Variants in ZMIZ1 observed in about 807,000 individuals in gnomAD.
ZMIZ1 encodes zinc finger MIZ-type containing 1.
ZMIZ1 carries 17 observed loss-of-function variants against 113.9 expected under a neutral mutation model. The ratio of observed to expected loss-of-function variants is 0.15; its 90% CI spans 0.10 to 0.22. The LOEUF is 0.22. Ranked by LOEUF, ZMIZ1 falls within the 10% of genes least tolerant of loss-of-function variation. The pLI is 1.00. For synonymous variants in ZMIZ1, 607 were observed against 603.1 expected (o/e 1.01, Z -0.09); for missense variants, 1,059 against 1,477.8 (o/e 0.72, Z 4.65).
intron 3 of ZMIZ1, among the ~76,000 whole-genome samples, chr10:79,144,247 C>T (rs1845393473): frequency 6.6e-6 from 1 of 152,160 alleles, no homozygotes; most frequent in Non-Finnish European, 1.5e-5. Context: ...ATGGGTAAAA[C>T]AGGGTTAGAG....
intron 7 of ZMIZ1, among the ~76,000 whole-genome samples, chr10:79,258,783 A>G (rs1180583557): frequency 6.6e-6 from 1 of 152,164 alleles, no homozygotes; most frequent in East Asian, 1.9e-4. Flanking sequence ...CTGCATCCTG[A>G]TGCTGAGCCC....
intron 4 of ZMIZ1, among the ~76,000 whole-genome samples, chr10:79,197,135 TG>T (rs1703758005): frequency 6.6e-6 from 1 of 152,254 alleles, no homozygotes; most frequent in Admixed American, 6.5e-5. Context: ...GAGGTTTCTT[TG>T]TACTTCTCTT....
chr10:79,182,533 G>T (rs900416383), intron 4 of ZMIZ1, among the ~76,000 whole-genome samples: 3 of 152,224 alleles, frequency 2.0e-5, no homozygotes, highest in African/African-American at 7.2e-5. Context: ...TCTCCCAGGG[G>T]TCCACAACTA....
intron 7 of ZMIZ1, among the ~76,000 whole-genome samples, chr10:79,274,489 G>A (rs144508839): frequency 5.3e-5 from 8 of 152,302 alleles, no homozygotes; most frequent in Non-Finnish European, 1.2e-4. Context: ...TGGTTCTCTC[G>A]ACAGTGCCCA....
Position 79,312,840 on chromosome 10 carries a change from C to A in ZMIZ1, c.*91C>A. The A allele has an allele frequency of 8.1e-7, 1 of 1,238,246 alleles. No homozygotes were observed. Among genetic ancestry groups the A allele is most frequent in the Non-Finnish European group, 1.2e-6 (1 of 863,104 alleles). The allele number at this position is 1,238,246 out of a possible 1,614,324, so 76.7% of individuals were successfully genotyped here. ...CCACCTGGGAGCCTGTGCCCTCAGACCGCCCCGCACCAGAGCCACGGGCTG... is the reference window on the plus strand; with the variant it reads ...CCACCTGGGAGCCTGTGCCCTCAGAACGCCCCGCACCAGAGCCACGGGCTG... On this transcript the variant is annotated 3_prime_UTR_variant, in exon 25 of 25. Coordinates refer to ENST00000334512, the MANE Select transcript of ZMIZ1 (RefSeq NM_020338.4).
chr10:79,230,397 CTGT>C (rs1849348669), intron 7 of ZMIZ1, among the ~76,000 whole-genome samples: 1 of 152,232 alleles, frequency 6.6e-6, no homozygotes, highest in Non-Finnish European at 1.5e-5. Context: ...GAAATGCCTG[CTGT>C]TGTTTAGCTC....
chr10:79,153,969 G>T (rs1233451850), intron 3 of ZMIZ1, among the ~76,000 whole-genome samples: 1 of 152,226 alleles, frequency 6.6e-6, no homozygotes, highest in Non-Finnish European at 1.5e-5. Context: ...GGCCCAGGAA[G>T]GGGGTCATCG....
Position 79,138,677 on chromosome 10 carries a change from C to T in ZMIZ1, c.-226-1005C>T, listed in dbSNP as rs77994252. Among the ~76,000 whole-genome samples the T allele has an allele frequency of 8.2e-3, 1,249 of 152,322 alleles. 16 individuals carry two copies. The highest frequency in any genetic ancestry group is 0.029 in the African/African-American group (1,192 of 41,560). ...GCCCGCCCCTCCTCCATGCCTCTCC[C>T]TCTTCTTCTGCACAACGTTTGCCAA... On this transcript the variant is annotated intron_variant, in intron 2 of 24. Transcript: ENST00000334512.
In ZMIZ1 at chr10:79,222,632, GGC is replaced by G. The variant is rs1849027464; in HGVS notation, c.280+6359_280+6360del. On this transcript the variant is annotated intron_variant, in intron 7 of 24. Coordinates refer to ENST00000334512, the MANE Select transcript of ZMIZ1 (RefSeq NM_020338.4). ...GGGCTGAGACATGCCCTGGGCCCCT[GGC>G]CAGCCTGGGAGGTAAAGATTCAGGA... 2.0e-5 allele frequency among the ~76,000 whole-genome samples: 3 copies of G among 152,266 alleles called. No homozygotes were observed. In the South Asian group the frequency reaches 6.2e-4, roughly 32 times the overall value.
At position 79,245,888 on chromosome 10, in the gene ZMIZ1, G is replaced by C. The variant is rs371309901; in HGVS notation, c.280+29614G>C. Among the ~76,000 whole-genome samples, 32 of 152,296 alleles carry C rather than the reference G, an allele frequency of 2.1e-4. No individual in the cohort carries two copies. In the East Asian group the frequency reaches 2.9e-3, roughly 14 times the overall value. ...CCGAAGGCTGGTAGCCGCCTTGTTGGGCAGCTCAGACTCTAGAACATGTCC... is the reference window on the plus strand; with the variant it reads ...CCGAAGGCTGGTAGCCGCCTTGTTGCGCAGCTCAGACTCTAGAACATGTCC... On this transcript the variant is annotated intron_variant, in intron 7 of 24. Transcript: ENST00000334512.
chr10:79,278,438 T>G (rs1334490411), intron 8 of ZMIZ1, among the ~76,000 whole-genome samples: 1 of 151,448 alleles, frequency 6.6e-6, no homozygotes, highest in Middle Eastern at 3.2e-3. Flanking sequence ...AATTCTTTTT[T>G]TTAATTTTTT....
rs186000122 is a variant in ZMIZ1 at position 79,091,305 on chromosome 10, A to G, written c.-337+22035A>G. Among the ~76,000 whole-genome samples, 36 of 152,138 alleles carry G rather than the reference A, an allele frequency of 2.4e-4. No individual in the cohort carries two copies. The East Asian group carries it at 6.8e-3, about 29-fold the overall frequency. On this transcript the variant is annotated intron_variant, in intron 1 of 24. Transcript: ENST00000334512. ...TGGGCAACTGCCTATTTATTGGCCT[A>G]TTTCTAGACTCGAGCTGTTCTGCAA...
intron 3 of ZMIZ1, among the ~76,000 whole-genome samples, chr10:79,157,965 C>G (rs1197111283): frequency 7.7e-6 from 1 of 129,634 alleles, no homozygotes; most frequent in Non-Finnish European, 1.8e-5. Flanking sequence ...AGTAGAACAG[C>G]TCAGGCGCCT....
chr10:79,114,638 C>G (rs1284832299), intron 1 of ZMIZ1, among the ~76,000 whole-genome samples: 1 of 152,008 alleles, frequency 6.6e-6, no homozygotes, highest in Non-Finnish European at 1.5e-5. Context: ...CCTCACTGAG[C>G]AGCAGCTGAA....
intron 3 of ZMIZ1, among the ~76,000 whole-genome samples, chr10:79,148,061 G>A (rs565376577): frequency 6.6e-6 from 1 of 152,222 alleles, no homozygotes; most frequent in Admixed American, 6.5e-5. Flanking sequence ...GGCTGTGGTG[G>A]CTTTTTGGGG....
chr10:79,142,186 A>G (rs575247100), intron 3 of ZMIZ1, among the ~76,000 whole-genome samples: 3 of 152,266 alleles, frequency 2.0e-5, no homozygotes, highest in East Asian at 3.9e-4. Context: ...TTTCAGACAC[A>G]TTGAGTTTGA....
intron 7 of ZMIZ1, among the ~76,000 whole-genome samples, chr10:79,245,947 C>T (rs1054451081): frequency 1.3e-5 from 2 of 152,224 alleles, no homozygotes; most frequent in African/African-American, 2.4e-5. Flanking sequence ...CGACAGACAG[C>T]GCTGTCCAGG....
At chr10:79,091,931 A>T (rs1360648976) in intron 1 of ZMIZ1, among the ~76,000 whole-genome samples, 2 of 152,016 alleles carry the variant, frequency 1.3e-5, no homozygotes, top group Non-Finnish European at 2.9e-5. Context: ...GTTGGAGGAG[A>T]CCTGAGCCTA....
chr10:79,311,513 C>A (rs909085170), intron 24 of ZMIZ1, among the ~76,000 whole-genome samples: 1 of 152,140 alleles, frequency 6.6e-6, no homozygotes, highest in Non-Finnish European at 1.5e-5. Context: ...GGTGAGCTTG[C>A]GGTTTCTGTG....
Sources: allele counts gnomAD v4.1 joint callset (sites outside exome capture counted in the v4.1 genomes callset), GRCh38; gene constraint gnomAD v4.1.1; transcripts MANE v1.5; gene names NCBI Gene and HGNC (gene_info 2026-07-23, HGNC 2026-07-21).